BTNL9: variants seen among roughly 807,000 people sequenced by gnomAD.
BTNL9 encodes butyrophilin like 9.
BTNL9 carries 45 observed loss-of-function variants against 45.8 expected under a neutral mutation model. The ratio of observed to expected loss-of-function variants is 0.98; its 90% CI spans 0.77 to 1.26. The LOEUF is 1.26. BTNL9 is among the 50% of genes most tolerant of loss of function. The pLI, the probability that BTNL9 is intolerant of heterozygous loss-of-function variation, is 0.00. For synonymous variants in BTNL9, 346 were observed against 330.8 expected, an observed-to-expected ratio of 1.05 and a Z score of -0.50; for missense variants, 784 against 729.7, an observed-to-expected ratio of 1.07 and a Z score of -0.86.
In BTNL9 at chr5:181,047,967, C is replaced by T. The variant is rs772823298; in HGVS notation, c.150C>T (p.Leu50=). Residue 50 remains leucine, a synonymous_variant, in exon 3 of 11, where the codon CTC becomes CTT. Transcript: ENST00000327705. ...VLGPEYPILA[L]VGEEVEFPCH... is the part of the protein sequence containing the mutation. The stretch of plus-strand genomic sequence containing the variant: ...GCCCTGAGTATCCCATCCTGGCCCT[C>T]GTCGGGGAGGAGGTGGAGTTCCCGT... The T allele has an allele frequency of 9.9e-6, 16 of 1,613,854 alleles. No individual in the cohort carries two copies. Among genetic ancestry groups the T allele is most frequent in the Middle Eastern group, 1.7e-4 (1 of 6,014 alleles).
intron 9 of BTNL9, among the ~76,000 whole-genome samples, chr5:181,057,917 T>G (rs1436314146): frequency 6.6e-6 from 1 of 152,214 alleles, no homozygotes; most frequent in Non-Finnish European, 1.5e-5. Context: ...CTCAGATTGA[T>G]TCACATTAAG....
rs1156238704 is a variant in BTNL9 at position 181,059,398 on chromosome 5, G to C, written c.1144G>C (p.Gly382Arg). The C allele has an allele frequency of 6.6e-7, 1 of 1,524,334 alleles. No homozygotes were observed. The highest frequency in any genetic ancestry group is 1.2e-5 in the South Asian group (1 of 82,266). The allele number at this position is 1,524,334 out of a possible 1,614,324, so 94.4% of individuals were successfully genotyped here. Reference sequence around the variant, plus strand: ...GCTGAGCCTGGAGCGGTTCTCCGCCGGCCGCCACTACTGGGAGGTGCACGT... The same window carrying C: ...GCTGAGCCTGGAGCGGTTCTCCGCCCGCCGCCACTACTGGGAGGTGCACGT... ...CALSLERFSA[G>R]RHYWEVHVGR... Residue 382 changes from glycine to arginine, a missense_variant, in exon 11 of 11, where the codon GGC (glycine) becomes CGC (arginine). Physicochemically the swap from Gly to Arg is moderately radical, Grantham distance 125. Coordinates refer to ENST00000327705, the MANE Select transcript of BTNL9 (RefSeq NM_152547.5).
chr5:181,049,026 TAA>T (rs1761390507), intron 3 of BTNL9, among the ~76,000 whole-genome samples: 1 of 150,290 alleles, frequency 6.7e-6, no homozygotes, highest in African/African-American at 2.4e-5. Flanking sequence ...AATTTTTTTT[TAA>T]CTGTCAGACT....
At position 181,050,463 on chromosome 5, in the gene BTNL9, G is replaced by T. The variant is rs757349211; in HGVS notation, c.736+94G>T. 4.9e-6 allele frequency: 7 copies of T among 1,423,634 alleles called. No homozygotes were observed. Among genetic ancestry groups the T allele is most frequent in the Non-Finnish European group, 5.8e-6 (6 of 1,034,232 alleles). The allele number at this position is 1,423,634 out of a possible 1,614,324, so 88.2% of individuals were successfully genotyped here. ...GTCTATAAAGACACAATGGTACTGC[G>T]CCTGTCTGCATATAGGGTGTGTTGG... On this transcript the variant is annotated intron_variant, in intron 4 of 10. Transcript: ENST00000327705. This position sits in a 1 kb window ranked among gnomAD's most constrained non-coding sequence, Gnocchi z 4.9.
At position 181,059,465 on chromosome 5, in the gene BTNL9, C is replaced by A; in HGVS notation, c.1211C>A (p.Ala404Glu). Residue 404 changes from alanine (A) to glutamate (E), a missense_variant, in exon 11 of 11, where the codon GCG becomes GAG. Ala to Glu is a moderately radical substitution (Grantham distance 107). Coordinates refer to ENST00000327705, the MANE Select transcript of BTNL9 (RefSeq NM_152547.5). ...TGGTTCCTGGGCGCCTGCCTGGCCG[C>A]GGTGCCGCGCGCGGGGCCTGCGCGC... ...SRWFLGACLA[A>E]VPRAGPARLS... 1 of 1,443,480 alleles carries A rather than the reference C, an allele frequency of 6.9e-7. No homozygotes were observed. The highest frequency in any genetic ancestry group is 3.1e-5 in the Admixed American group (1 of 32,098). 89.4% of individuals were successfully genotyped at this position (1,443,480 alleles called of 1,614,324 possible). A position where few individuals can be genotyped will look rare whatever the true frequency, so the allele number is the denominator to read the frequency against.
intron 1 of BTNL9, among the ~76,000 whole-genome samples, chr5:181,043,657 T>C (rs1254595034): frequency 6.6e-6 from 1 of 152,218 alleles, no homozygotes. Context: ...AGCTGAACAC[T>C]GACGTGCCCC....
intron 1 of BTNL9, among the ~76,000 whole-genome samples, chr5:181,044,034 C>G (rs1008744540): frequency 2.0e-5 from 3 of 152,262 alleles, no homozygotes; most frequent in African/African-American, 7.2e-5. Context: ...GCTGTCCCAA[C>G]CTGTCCTCTG....
chr5:181,053,663 C>A lies in BTNL9; in HGVS notation c.886+162C>A. 4 of 1,530,686 alleles carry A rather than the reference C, an allele frequency of 2.6e-6. No homozygotes were observed. Among genetic ancestry groups the A allele is most frequent in the South Asian group, 2.5e-5 (2 of 80,970 alleles). 94.8% of individuals were successfully genotyped at this position (1,530,686 alleles called of 1,614,324 possible). On this transcript the variant is annotated intron_variant, in intron 6 of 10. Transcript: ENST00000327705. The surrounding 1 kb of genome is among the most constrained non-coding windows in gnomAD (Gnocchi z 6.5). ...GACCCCGGTGGGGAAGGGGGAAGAT[C>A]GTTCATATGGACAAAAGCGGAGGTG...
intron 2 of BTNL9, among the ~76,000 whole-genome samples, chr5:181,047,294 A>G (rs1164562297): frequency 6.6e-6 from 1 of 152,182 alleles, no homozygotes; most frequent in Admixed American, 6.5e-5. Context: ...GATCAAATGA[A>G]AGATCCCAAC....
At chr5:181,054,992 T>C (rs548562213) in intron 7 of BTNL9, 623 of 985,350 alleles carry the variant, frequency 6.3e-4, no homozygotes, top group Non-Finnish European at 7.3e-4. Flanking sequence ...GAGTCCTTGG[T>C]AATTATTTGG....
At position 181,059,521 on chromosome 5, in the gene BTNL9, G is replaced by C; in HGVS notation, c.1267G>C (p.Gly423Arg). Residue 423 changes from glycine (G) to arginine (R), a missense_variant, in exon 11 of 11, where the codon GGG (glycine) becomes CGG (arginine). Coordinates refer to ENST00000327705, the MANE Select transcript of BTNL9 (RefSeq NM_152547.5). ...CCCTGCGGCCGGCTACTGGGTGCTG[G>C]GGCTGTGGAACGGCTGCGAGTACTT... Reference protein sequence around the residue: ...LSPAAGYWVLGLWNGCEYFVL... With the variant: ...LSPAAGYWVLRLWNGCEYFVL... 1 of 1,604,268 alleles carries C rather than the reference G, an allele frequency of 6.2e-7. No homozygotes were observed. The highest frequency in any genetic ancestry group is 1.3e-5 in the African/African-American group (1 of 74,942).
At position 181,050,572 on chromosome 5, in the gene BTNL9, G is replaced by T. The variant is rs560740982; in HGVS notation, c.736+203G>T. Among the ~76,000 whole-genome samples the T allele has an allele frequency of 2.3e-4, 35 of 152,134 alleles. No homozygotes were observed. Among genetic ancestry groups the T allele is most frequent in the African/African-American group, 8.5e-4 (35 of 41,420 alleles). On this transcript the variant is annotated intron_variant, in intron 4 of 10. Transcript: ENST00000327705. This position sits in a 1 kb window ranked among gnomAD's most constrained non-coding sequence, Gnocchi z 4.9. The stretch of plus-strand genomic sequence containing the variant: ...AGAACCCAAACAGTCAGTGAGAGAG[G>T]CCCCAGAGAGCCCGCCTTTCTGTGC...
rs1248773727 is a variant in BTNL9 at position 181,061,332 on chromosome 5, T to C, written c.*1470T>C. ...CATTGTACTATCAATGTGGCTTTGC[T>C]GTGGGTTTGAAATTTTGCAAACTAA... On this transcript the variant is annotated 3_prime_UTR_variant, in exon 11 of 11. Transcript: ENST00000327705. 3.3e-5 allele frequency: 5 copies of C among 152,338 alleles called. No individual in the cohort carries two copies. Among genetic ancestry groups the C allele is most frequent in the African/African-American group, 1.2e-4 (5 of 41,580 alleles). 9.4% of individuals were successfully genotyped at this position (152,338 alleles called of 1,614,324 possible). A position where few individuals can be genotyped will look rare whatever the true frequency, so the allele number is the denominator to read the frequency against.
chr5:181,050,060 C>G lies in BTNL9; in HGVS notation c.455-28C>G. 6.2e-7 allele frequency: 1 copy of G among 1,602,298 alleles called. No individual in the cohort carries two copies. ...GCGTGATTTCTCAGAAGAAGCCTGA[C>G]CTTTCCCACTCCTCCTGCCTCCACC... is the stretch of plus-strand genomic sequence containing the variant. On this transcript the variant is annotated intron_variant, in intron 3 of 10. Transcript: ENST00000327705. The surrounding 1 kb of genome is among the most constrained non-coding windows in gnomAD (Gnocchi z 4.9).
chr5:181,049,886 C>T (rs1188804708), intron 3 of BTNL9, among the ~76,000 whole-genome samples: 4 of 152,232 alleles, frequency 2.6e-5, no homozygotes, highest in South Asian at 4.1e-4. Flanking sequence ...CCCTCAGGGG[C>T]ATTACTGTCC....
At chr5:181,057,046 G>T in intron 9 of BTNL9, 1 of 152,738 alleles carries the variant, frequency 6.5e-6, no homozygotes, top group Middle Eastern at 3.3e-3. Flanking sequence ...GTGTGTGTGA[G>T]ATTAATCCCT....
In BTNL9 at chr5:181,050,020, T is replaced by G; in HGVS notation, c.455-68T>G. On this transcript the variant is annotated intron_variant, in intron 3 of 10. Coordinates refer to ENST00000327705, the MANE Select transcript of BTNL9 (RefSeq NM_152547.5). This position sits in a 1 kb window ranked among gnomAD's most constrained non-coding sequence, Gnocchi z 4.9. ...TATGGTGACTGCAAATGCTGAACAG[T>G]GGCAGGAATGTTATGCGTGATTTCT... The G allele has an allele frequency of 6.5e-7, 1 of 1,537,904 alleles. No individual in the cohort carries two copies. Among genetic ancestry groups the G allele is most frequent in the Non-Finnish European group, 8.8e-7 (1 of 1,134,984 alleles).
In BTNL9 at chr5:181,047,922, C is replaced by G; in HGVS notation, c.110-5C>G. The G allele has an allele frequency of 6.2e-7, 1 of 1,610,980 alleles. No homozygotes were observed. Among genetic ancestry groups the G allele is most frequent in the South Asian group, 1.1e-5 (1 of 90,916 alleles). ...GCTTTTGCCTGTTCTGACTTGTCATCCTAGAGGTCAAGGTGCTAGGCCCTG... is the reference window on the plus strand; with the variant it reads ...GCTTTTGCCTGTTCTGACTTGTCATGCTAGAGGTCAAGGTGCTAGGCCCTG... On this transcript the variant is annotated splice_polypyrimidine_tract_variant and splice_region_variant and intron_variant, in intron 2 of 10. Transcript: ENST00000327705.
rs1484468510 is a variant in BTNL9, at chr5:181,061,070, G to A, written c.*1208G>A. The A allele has an allele frequency of 1.3e-5, 2 of 152,266 alleles. No homozygotes were observed. The highest frequency in any genetic ancestry group is 4.1e-4 in the South Asian group (2 of 4,832). 9.4% of individuals were successfully genotyped at this position (152,266 alleles called of 1,614,324 possible). The stretch of plus-strand genomic sequence containing the variant: ...GCTGGGTGTACAGGCATGAGCCGCT[G>A]TGCCTGGCTTCATTTTCAGAGTGAG... On this transcript the variant is annotated 3_prime_UTR_variant, in exon 11 of 11. Transcript: ENST00000327705.
Sources: allele counts gnomAD v4.1 joint callset (sites outside exome capture counted in the v4.1 genomes callset), GRCh38; gene constraint gnomAD v4.1.1; non-coding constraint Gnocchi (gnomAD v3.1); transcripts MANE v1.5; gene names NCBI Gene and HGNC (gene_info 2026-07-23, HGNC 2026-07-21).